Variants in STAG2 observed in about 807,000 individuals in gnomAD.
STAG2 encodes STAG2 cohesin complex component.
A neutral mutation model predicts 108.1 loss-of-function variants in STAG2; 14 were observed. The ratio of observed to expected loss-of-function variants is 0.13; its 90% CI spans 0.09 to 0.20. The LOEUF (loss-of-function observed/expected upper bound fraction) is 0.20, where lower values mean the gene tolerates loss of function less well. Among genes scored for constraint, STAG2 ranks in the 10% least tolerant of loss-of-function variants. The probability of loss-of-function intolerance (pLI) is 1.00; values close to 1 mark genes in which losing one functional copy is unlikely to be tolerated. For synonymous variants in STAG2, 307 were observed against 302.7 expected, an observed-to-expected ratio of 1.01 and a Z score of -0.15; for missense variants, 440 against 940.9, an observed-to-expected ratio of 0.47 and a Z score of 6.96.
intron 1 of STAG2, among the ~76,000 whole-genome samples, chrX:123,987,597 C>T (rs924067001): frequency 8.9e-6 from 1 of 112,031 alleles, no homozygotes; most frequent in African/African-American, 3.2e-5. Flanking sequence ...CCAGGCTAGA[C>T]ATCTATCATT....
chrX:124,041,317 G>C (rs1474773520), intron 6 of STAG2, among the ~76,000 whole-genome samples: 1 of 108,790 alleles, frequency 9.2e-6, no homozygotes, highest in Non-Finnish European at 1.9e-5. Context: ...TGATTTAGGT[G>C]AATAGTCTCA....
At chrX:124,014,367 A>T (rs965443004) in intron 1 of STAG2, among the ~76,000 whole-genome samples, 12 of 105,660 alleles carry the variant, frequency 1.1e-4, no homozygotes, top group Admixed American at 6.1e-4. Flanking sequence ...TATGTATAAA[A>T]TTTTTTTTTT....
intron 1 of STAG2, among the ~76,000 whole-genome samples, chrX:124,019,702 A>G (rs929221291): frequency 4.5e-5 from 5 of 111,313 alleles, no homozygotes; most frequent in Non-Finnish European, 9.4e-5. Context: ...TTGGGAGGCT[A>G]AGGTGGGTGA....
chrX:124,072,557 A>G (rs1439998065), intron 25 of STAG2, among the ~76,000 whole-genome samples: 2 of 111,126 alleles, frequency 1.8e-5, no homozygotes, highest in African/African-American at 6.6e-5. Context: ...TGTTCATAAC[A>G]TTGATTTGAC....
intron 5 of STAG2, among the ~76,000 whole-genome samples, chrX:124,033,599 T>C (rs1336925184): frequency 9.0e-6 from 1 of 110,631 alleles, no homozygotes; most frequent in Non-Finnish European, 1.9e-5. Flanking sequence ...CAGTCTCTAC[T>C]AAAAATAAAA....
chrX:124,038,716 G>A (rs2057599594), intron 6 of STAG2, among the ~76,000 whole-genome samples: 1 of 111,666 alleles, frequency 9.0e-6, no homozygotes, highest in Non-Finnish European at 1.9e-5. Context: ...TTGAGCCTGT[G>A]ATCTTTATAA....
intron 1 of STAG2, among the ~76,000 whole-genome samples, chrX:123,981,762 A>C (rs1021605802): frequency 7.2e-5 from 8 of 111,644 alleles, no homozygotes; most frequent in Non-Finnish European, 1.5e-4. Context: ...TGCAGCAGTG[A>C]AAAAGAGGGG....
At chrX:124,025,808 G>A (rs2148018809) in intron 3 of STAG2, 32 bp from the exon 4 acceptor site, 2 of 1,019,712 alleles carry the variant, frequency 2.0e-6, no homozygotes, top group South Asian at 4.8e-5. Context: ...AATTTCTAAG[G>A]AAGGGTTTTA....
intron 1 of STAG2, among the ~76,000 whole-genome samples, chrX:123,966,028 C>T (rs145210977): frequency 1.6e-3 from 173 of 110,523 alleles, no homozygotes; most frequent in African/African-American, 5.1e-3. Context: ...CTAAAATGTA[C>T]AGTTTACTAT....
At chrX:124,086,906 C>G in intron 30 of STAG2, 136 bp downstream of exon 30, 1 of 533,220 alleles carries the variant, frequency 1.9e-6, no homozygotes, top group East Asian at 3.9e-5. Flanking sequence ...TGTAAACATG[C>G]TGTTGTAGGC....
chrX:124,051,242 C>G, intron 12 of STAG2, 23 bp downstream of exon 12: 1 of 1,157,275 alleles, frequency 8.6e-7, no homozygotes, highest in Non-Finnish European at 1.2e-6. Flanking sequence ...TAAGAATTTA[C>G]AAATAACTTG....
At chrX:123,986,437 A>G (rs2055194360) in intron 1 of STAG2, among the ~76,000 whole-genome samples, 1 of 110,889 alleles carries the variant, frequency 9.0e-6, no homozygotes, top group Non-Finnish European at 1.9e-5. Context: ...TTTCTGTCAC[A>G]TGTTTGTTCT....
At position 124,064,030 on chromosome X, in the gene STAG2, T is replaced by A. The variant is rs1457964083; in HGVS notation, c.2004T>A (p.Leu668=). 1 of 1,207,919 alleles carries A rather than the reference T, an allele frequency of 8.3e-7. No homozygotes were observed. The highest frequency in any genetic ancestry group is 1.1e-6 in the Non-Finnish European group (1 of 892,509). Residue 668 remains leucine, a synonymous_variant, in exon 20 of 35, where the codon CTT becomes CTA. Transcript: ENST00000371145. ...AATTGGCAGATAAATTTAACCGGCTTCTTGAAGATTTTCTGCAAGAGGTAT... is the reference window on the plus strand; with the variant it reads ...AATTGGCAGATAAATTTAACCGGCTACTTGAAGATTTTCTGCAAGAGGTAT... The part of the protein sequence containing the change: ...IDELADKFNR[L]LEDFLQEGEE...
intron 1 of STAG2, among the ~76,000 whole-genome samples, chrX:124,012,094 T>C (rs778713936): frequency 5.4e-5 from 6 of 112,147 alleles, no homozygotes; most frequent in East Asian, 2.8e-4. Flanking sequence ...CTGTGTTACA[T>C]TGATTGATTT....
At chrX:123,980,461 C>T (rs974777685) in intron 1 of STAG2, among the ~76,000 whole-genome samples, 2 of 111,656 alleles carry the variant, frequency 1.8e-5, no homozygotes, top group Non-Finnish European at 3.8e-5. Context: ...GGCATGTTCT[C>T]CCATCTGGGA....
chrX:124,029,011 A>ATTTATTTATT (rs1426991796), intron 4 of STAG2, among the ~76,000 whole-genome samples: 25 of 82,495 alleles, frequency 3.0e-4, no homozygotes, highest in African/African-American at 1.1e-3. Context: ...ATATATATAT[A>ATTTATTTATT]TATTTATTTA....
rs139866738 is a variant in STAG2 at position 124,014,041 on chromosome X, G to A, written c.-162-7326G>A. On this transcript the variant is annotated intron_variant, in intron 1 of 34. Transcript: ENST00000371145. ...GTTTGTCAAGGTGATCACAGTTGTG[G>A]TGATGGCTCGAGTCATGTTTTGAAA... Among the ~76,000 whole-genome samples, 148 of 111,715 alleles carry A rather than the reference G, an allele frequency of 1.3e-3. 1 individual carries two copies. Among genetic ancestry groups the A allele is most frequent in the African/African-American group, 4.7e-3 (143 of 30,717 alleles).
At chrX:124,043,062 C>T (rs991622970) in intron 7 of STAG2, among the ~76,000 whole-genome samples, 3 of 109,148 alleles carry the variant, frequency 2.7e-5, no homozygotes, top group Non-Finnish European at 3.8e-5. Context: ...TAAATAAGAG[C>T]TTTGGCATTA....
In STAG2 at chrX:124,064,513, G is replaced by A. The variant is rs1009757335; in HGVS notation, c.2025+462G>A. On this transcript the variant is annotated intron_variant, in intron 20 of 34. Coordinates refer to ENST00000371145, the MANE Select transcript of STAG2 (RefSeq NM_001042750.2). Reference sequence around the variant, plus strand: ...GGCTGGAGCGCAGTGGTACGATCTCGGCTCACTGCAGCTTCTGCCTCCCAG... The same window carrying A: ...GGCTGGAGCGCAGTGGTACGATCTCAGCTCACTGCAGCTTCTGCCTCCCAG... Among the ~76,000 whole-genome samples the A allele has an allele frequency of 6.6e-5, 7 of 105,937 alleles. No homozygotes were observed. In the South Asian group the frequency reaches 2.6e-3, roughly 39 times the overall value. The allele number at this position is 105,937 out of a possible 115,157, so 92.0% of individuals were successfully genotyped here.
Sources: gnomAD v4.1 joint callset for allele counts (sites outside exome capture counted in the v4.1 genomes callset) on GRCh38, gnomAD v4.1.1 for gene constraint, MANE v1.5 for transcripts, NCBI Gene and HGNC (gene_info 2026-07-23, HGNC 2026-07-21) for gene names.